ADAMTS17: variants seen among roughly 807,000 people sequenced by gnomAD.
ADAMTS17 encodes the protein A disintegrin and metalloproteinase with thrombospondin motifs 17.
Under a neutral mutation model 141.5 loss-of-function variants are expected in ADAMTS17, and 113 were observed. The ratio of observed to expected loss-of-function variants is 0.80; its 90% confidence interval spans 0.69 to 0.93. The LOEUF (loss-of-function observed/expected upper bound fraction) is 0.93, where lower values mean the gene tolerates loss of function less well. Ranked by LOEUF, ADAMTS17 falls within the 40% of genes least tolerant of loss-of-function variation. The probability of loss-of-function intolerance (pLI) is 0.00; values close to 1 mark genes in which losing one functional copy is unlikely to be tolerated. For missense variants in ADAMTS17, 1,659 were observed against 1,517.9 expected (o/e 1.09, Z -1.54); for synonymous variants, 768 against 630.6 (o/e 1.22, Z -3.27).
intron 3 of ADAMTS17, among the ~76,000 whole-genome samples, chr15:100,312,898 G>C (rs2045448820): frequency 6.6e-6 from 1 of 152,112 alleles, no homozygotes. Flanking sequence ...TAAATAAAGG[G>C]AGGCCCTTAC....
Position 100,117,946 on chromosome 15 carries a change from T to C in ADAMTS17, c.1722-933A>G, listed in dbSNP as rs549175571. 2.0e-5 allele frequency among the ~76,000 whole-genome samples: 3 copies of C among 152,360 alleles called. No individual in the cohort carries two copies. In the East Asian group the frequency reaches 5.8e-4, roughly 29 times the overall value. On this transcript the variant is annotated intron_variant, in intron 12 of 21. Transcript: ENST00000268070. ...ACACACACCTGTTGGCCAAATGTCATCTGGACACATTAGCCATTTCGTGTT... is the reference window on the plus strand; with the variant it reads ...ACACACACCTGTTGGCCAAATGTCACCTGGACACATTAGCCATTTCGTGTT...
intron 2 of ADAMTS17, among the ~76,000 whole-genome samples, chr15:100,336,062 G>C (rs2046199747): frequency 6.6e-6 from 1 of 152,246 alleles, no homozygotes; most frequent in African/African-American, 2.4e-5. Context: ...AATGCAATCA[G>C]TCAAAGAAGA....
intron 15 of ADAMTS17, among the ~76,000 whole-genome samples, chr15:100,069,777 C>T (rs1214697558): frequency 6.7e-6 from 1 of 150,374 alleles, no homozygotes; most frequent in African/African-American, 2.5e-5. Flanking sequence ...TGGTAACAGC[C>T]ACTGCAAAAA....
intron 15 of ADAMTS17, among the ~76,000 whole-genome samples, chr15:100,074,554 C>A (rs191876815): frequency 3.2e-3 from 489 of 152,030 alleles, no homozygotes; most frequent in Non-Finnish European, 5.8e-3. Context: ...AATATAAAAC[C>A]ATCTTCCCAT....
At chr15:100,183,686 T>C (rs1272018707) in intron 8 of ADAMTS17, among the ~76,000 whole-genome samples, 1 of 152,228 alleles carries the variant, frequency 6.6e-6, no homozygotes. Context: ...CTAGTGATTT[T>C]CAACTACATC....
At chr15:100,219,192 G>A (rs186256186) in intron 7 of ADAMTS17, among the ~76,000 whole-genome samples, 14 of 152,298 alleles carry the variant, frequency 9.2e-5, no homozygotes, top group African/African-American at 3.1e-4. Context: ...GGACAAGAGT[G>A]TTGACAGGAA....
At chr15:100,133,062 G>A in intron 11 of ADAMTS17, 152 bp downstream of exon 11, 1 of 649,814 alleles carries the variant, frequency 1.5e-6, no homozygotes, top group South Asian at 1.9e-5. Context: ...GCACCACTCT[G>A]TGCCCGGAGT....
At chr15:100,036,443 A>C (rs1032017416) in intron 18 of ADAMTS17, among the ~76,000 whole-genome samples, 2 of 152,232 alleles carry the variant, frequency 1.3e-5, no homozygotes, top group East Asian at 3.9e-4. Flanking sequence ...TTTCTAGCAC[A>C]GGCTCCTGAC....
chr15:100,014,529 G>A (rs2061250734), intron 18 of ADAMTS17, among the ~76,000 whole-genome samples: 1 of 152,078 alleles, frequency 6.6e-6, no homozygotes, highest in Non-Finnish European at 1.5e-5. Flanking sequence ...CACTGCCTTT[G>A]CTGTATTCCA....
chr15:100,256,640 T>G (rs931429272), intron 6 of ADAMTS17: 2 of 152,172 alleles, frequency 1.3e-5, no homozygotes, highest in Non-Finnish European at 2.9e-5. Flanking sequence ...AGTTAGATGG[T>G]ATTATGCTGG....
intron 18 of ADAMTS17, among the ~76,000 whole-genome samples, chr15:100,029,454 A>G (rs1435777): frequency 0.11 from 17,085 of 152,132 alleles, 2,580 homozygotes; most frequent in African/African-American, 0.35. Context: ...CATTTATGCC[A>G]GAGAGAGGAG....
At chr15:100,239,379 T>C (rs1596339360) in intron 7 of ADAMTS17, among the ~76,000 whole-genome samples, 1 of 152,222 alleles carries the variant, frequency 6.6e-6, no homozygotes, top group Admixed American at 6.5e-5. Flanking sequence ...TGGTCTTTCC[T>C]ACCTGTCAAT....
chr15:100,016,218 G>GT (rs1014770578), intron 18 of ADAMTS17, among the ~76,000 whole-genome samples: 4 of 152,276 alleles, frequency 2.6e-5, no homozygotes, highest in African/African-American at 9.6e-5. Flanking sequence ...AGTTTTGATT[G>GT]TTTTTTCTTT....
chr15:100,333,393 A>G (rs2046113616), intron 2 of ADAMTS17, among the ~76,000 whole-genome samples: 1 of 152,072 alleles, frequency 6.6e-6, no homozygotes, highest in African/African-American at 2.4e-5. Flanking sequence ...TGATCTGGGG[A>G]GCTTCGAAAA....
intron 7 of ADAMTS17, among the ~76,000 whole-genome samples, chr15:100,251,262 T>A (rs1486470718): frequency 6.6e-6 from 1 of 152,112 alleles, no homozygotes; most frequent in Non-Finnish European, 1.5e-5. Flanking sequence ...GTTAAGGAAG[T>A]GAGACGCATG....
chr15:100,225,443 C>G (rs1022593007), intron 7 of ADAMTS17, among the ~76,000 whole-genome samples: 1 of 152,358 alleles, frequency 6.6e-6, no homozygotes, highest in South Asian at 2.1e-4. Flanking sequence ...CTTAAGCAGT[C>G]ACGGCCTCTG....
chr15:100,092,611 C>G (rs2035536636), intron 15 of ADAMTS17, among the ~76,000 whole-genome samples: 1 of 152,156 alleles, frequency 6.6e-6, no homozygotes, highest in Admixed American at 6.5e-5. Context: ...ATTTCCGCCC[C>G]CACGAGATTC....
At chr15:100,281,127 G>T in intron 4 of ADAMTS17, 102 bp downstream of exon 4, 1 of 1,505,112 alleles carries the variant, frequency 6.6e-7, no homozygotes, top group Non-Finnish European at 9.0e-7. Context: ...CCAACCCAGC[G>T]TCTTCCTCAC....
intron 15 of ADAMTS17, among the ~76,000 whole-genome samples, chr15:100,071,723 A>C: frequency 6.6e-6 from 1 of 150,460 alleles, no homozygotes; most frequent in Admixed American, 6.6e-5. Context: ...TCATGCTAAA[A>C]ACTCTCAATA....
Sources: gnomAD v4.1 joint callset for allele counts (sites outside exome capture counted in the v4.1 genomes callset) on GRCh38, gnomAD v4.1.1 for gene constraint, MANE v1.5 for transcripts, NCBI Gene and HGNC (gene_info 2026-07-23, HGNC 2026-07-21) for gene names.